Variants in RBFOX1 observed in about 807,000 individuals in gnomAD.
The protein encoded by RBFOX1 is RNA binding fox-1 homolog 1, also known as RNA binding protein fox-1 homolog 1.
A neutral mutation model predicts 57.7 loss-of-function variants in RBFOX1; 8 were observed. The ratio of observed to expected loss-of-function variants is 0.14; its 90% CI spans 0.08 to 0.25. The LOEUF (loss-of-function observed/expected upper bound fraction) is 0.25. Ranked by LOEUF, RBFOX1 falls within the 10% of genes least tolerant of loss-of-function variation. The probability of loss-of-function intolerance (pLI) is 1.00; values close to 1 mark genes in which losing one functional copy is unlikely to be tolerated. For synonymous variants in RBFOX1, 326 were observed against 222.4 expected (o/e 1.47, Z -4.15); for missense variants, 611 against 548.5 (o/e 1.11, Z -1.14).
At chr16:5,998,946 T>C (rs1466381504) in intron 4 of RBFOX1, among the ~76,000 whole-genome samples, 4 of 152,338 alleles carry the variant, frequency 2.6e-5, no homozygotes, top group African/African-American at 9.6e-5. Flanking sequence ...TGGAACATAC[T>C]GGACTATCTG....
chr16:6,224,051 A>G (rs1162341287), intron 1 of RBFOX1, among the ~76,000 whole-genome samples: 1 of 151,944 alleles, frequency 6.6e-6, no homozygotes, highest in Non-Finnish European at 1.5e-5. Context: ...GTTCTGTTCC[A>G]TTGATCTATA....
chr16:5,439,939 C>T (rs943943269), intron 1 of RBFOX1, among the ~76,000 whole-genome samples: 11 of 152,198 alleles, frequency 7.2e-5, no homozygotes, highest in Non-Finnish European at 1.3e-4. Context: ...AGATGTCAAG[C>T]TGGCAGCTTG....
At chr16:6,928,325 G>A (rs1432287484) in intron 3 of RBFOX1, among the ~76,000 whole-genome samples, 1 of 152,174 alleles carries the variant, frequency 6.6e-6, no homozygotes, top group Non-Finnish European at 1.5e-5. Context: ...GCGATCTGGA[G>A]GAAGACGGGG....
At chr16:6,451,267 G>A (rs77816707) in intron 2 of RBFOX1, among the ~76,000 whole-genome samples, 1 of 152,020 alleles carries the variant, frequency 6.6e-6, no homozygotes, top group Admixed American at 6.6e-5. Context: ...AGCATTCTGT[G>A]GGGTTAGAAG....
chr16:7,246,668 A>C (rs1187283863), intron 4 of RBFOX1, among the ~76,000 whole-genome samples: 1 of 131,814 alleles, frequency 7.6e-6, no homozygotes, highest in Non-Finnish European at 1.5e-5. Flanking sequence ...CTGAGTTTGA[A>C]TGCAATTATT....
intron 1 of RBFOX1, among the ~76,000 whole-genome samples, chr16:5,248,452 C>A (rs1306122338): frequency 6.6e-6 from 1 of 152,210 alleles, no homozygotes; most frequent in Non-Finnish European, 1.5e-5. Flanking sequence ...GGCAGCCTTT[C>A]CCCTTCTATT....
intron 2 of RBFOX1, among the ~76,000 whole-genome samples, chr16:6,648,854 T>C (rs924552186): frequency 6.6e-6 from 1 of 152,188 alleles, no homozygotes; most frequent in African/African-American, 2.4e-5. Context: ...ACAAAAGTTA[T>C]ATATATTTAT....
intron 2 of RBFOX1, among the ~76,000 whole-genome samples, chr16:6,553,112 T>C (rs1357288058): frequency 6.6e-6 from 1 of 152,158 alleles, no homozygotes; most frequent in Admixed American, 6.5e-5. Flanking sequence ...CGTCCCTAGG[T>C]AACAGGATGT....
chr16:6,894,078 C>G (rs892406416), intron 3 of RBFOX1, among the ~76,000 whole-genome samples: 1 of 151,968 alleles, frequency 6.6e-6, no homozygotes, highest in Non-Finnish European at 1.5e-5. Context: ...TAGATAGATA[C>G]TGGATCGATT....
At chr16:6,413,779 C>G (rs2093542018) in intron 2 of RBFOX1, among the ~76,000 whole-genome samples, 1 of 152,166 alleles carries the variant, frequency 6.6e-6, no homozygotes, top group East Asian at 1.9e-4. Context: ...ATTTCTCAGT[C>G]TCTCATCTAC....
intron 4 of RBFOX1, among the ~76,000 whole-genome samples, chr16:7,071,986 A>T (rs1161622762): frequency 6.6e-6 from 1 of 152,110 alleles, no homozygotes; most frequent in Non-Finnish European, 1.5e-5. Flanking sequence ...TAAGTCTATG[A>T]ATTCCTCTCA....
At chr16:6,227,496 G>A (rs944823307) in intron 1 of RBFOX1, among the ~76,000 whole-genome samples, 1 of 152,118 alleles carries the variant, frequency 6.6e-6, no homozygotes, top group Non-Finnish European at 1.5e-5. Flanking sequence ...ATTTGGGAGT[G>A]GCCGTGGAGC....
At chr16:6,733,116 G>A (rs1189328235) in intron 3 of RBFOX1, among the ~76,000 whole-genome samples, 1 of 152,160 alleles carries the variant, frequency 6.6e-6, no homozygotes, top group Non-Finnish European at 1.5e-5. Context: ...ATGAATATAA[G>A]CACTGTTGAA....
intron 2 of RBFOX1, among the ~76,000 whole-genome samples, chr16:6,433,543 G>A (rs915252111): frequency 7.2e-5 from 11 of 152,168 alleles, no homozygotes; most frequent in African/African-American, 2.7e-4. Context: ...TCTCATTGGT[G>A]CTGTAACAAA....
chr16:7,301,861 A>C (rs2096043385), intron 4 of RBFOX1, among the ~76,000 whole-genome samples: 1 of 152,208 alleles, frequency 6.6e-6, no homozygotes, highest in Non-Finnish European at 1.5e-5. Context: ...TTGGCCTTTT[A>C]TTCCATTCGT....
At chr16:7,040,978 C>G (rs866984976) in intron 3 of RBFOX1, among the ~76,000 whole-genome samples, 1 of 151,224 alleles carries the variant, frequency 6.6e-6, no homozygotes, top group East Asian at 1.9e-4. Context: ...TGCAATGATG[C>G]AATCTCTGCT....
chr16:6,508,641 C>T (rs187566605), intron 2 of RBFOX1, among the ~76,000 whole-genome samples: 2 of 152,116 alleles, frequency 1.3e-5, no homozygotes, highest in Non-Finnish European at 2.9e-5. Context: ...TTCTCTTGAA[C>T]TTCTCTCTCT....
chr16:7,394,459 A>C (rs1157211695), intron 4 of RBFOX1, among the ~76,000 whole-genome samples: 2 of 152,048 alleles, frequency 1.3e-5, no homozygotes, highest in Non-Finnish European at 2.9e-5. Flanking sequence ...GGATTTTATT[A>C]AGGAAACCTC....
At chr16:6,496,632 C>T (rs1403670231) in intron 2 of RBFOX1, among the ~76,000 whole-genome samples, 1 of 152,098 alleles carries the variant, frequency 6.6e-6, no homozygotes, top group Non-Finnish European at 1.5e-5. Context: ...GCGAAGACAC[C>T]AATGCTCTTG....
Sources: gnomAD v4.1 joint callset for allele counts (sites outside exome capture counted in the v4.1 genomes callset) on GRCh38, gnomAD v4.1.1 for gene constraint, MANE v1.5 for transcripts, NCBI Gene and HGNC (gene_info 2026-07-23, HGNC 2026-07-21) for gene names.